The following HIVEP1 variants were observed in gnomAD, a reference collection of about 807,000 sequenced individuals.
HIVEP1 encodes zinc finger protein 40.
Under a neutral mutation model 180.0 loss-of-function variants are expected in HIVEP1, and 36 were observed. The ratio of observed to expected loss-of-function variants is 0.20; its 90% CI spans 0.15 to 0.26. HIVEP1 has a LOEUF of 0.26. HIVEP1 is among the 10% of genes least tolerant of loss of function. HIVEP1 has a pLI of 1.00. For missense variants in HIVEP1, 3,143 were observed against 3,268.7 expected (o/e 0.96, Z 0.94); for synonymous variants, 1,239 against 1,239.0 (o/e 1.00, Z 0.00).
At chr6:12,201,385 G>C in the HIVEP1 span, among the ~76,000 whole-genome samples, 1 of 152,214 alleles carries the variant, frequency 6.6e-6, no homozygotes, top group African/African-American at 2.4e-5. Flanking sequence ...GCTGAGGTGA[G>C]AGGATCACTT....
chr6:12,150,797 A>C (rs1026264759), intron 7 of HIVEP1, among the ~76,000 whole-genome samples: 1 of 152,242 alleles, frequency 6.6e-6, no homozygotes, highest in Middle Eastern at 3.4e-3. Context: ...ATATATATAT[A>C]TAATTGTATT....
At chr6:12,139,248 C>T (rs768390399) in intron 7 of HIVEP1, among the ~76,000 whole-genome samples, 14 of 152,248 alleles carry the variant, frequency 9.2e-5, no homozygotes, top group Middle Eastern at 3.4e-3. Flanking sequence ...TCCTCCCTCG[C>T]GTGCTCAGCT....
intron 2 of HIVEP1, among the ~76,000 whole-genome samples, chr6:12,076,992 C>CT (rs1013198405): frequency 6.6e-6 from 1 of 152,034 alleles, no homozygotes; most frequent in African/African-American, 2.4e-5. Context: ...GTGGATCTTG[C>CT]TGGAGGGATG....
chr6:12,211,215 C>A, the HIVEP1 span, among the ~76,000 whole-genome samples: 1 of 124,846 alleles, frequency 8.0e-6, no homozygotes, highest in South Asian at 2.5e-4. Context: ...CTGGCTAACA[C>A]GGTGAAACCC....
chr6:12,051,691 G>C (rs574648340), intron 2 of HIVEP1, among the ~76,000 whole-genome samples: 1 of 147,326 alleles, frequency 6.8e-6, no homozygotes, highest in African/African-American at 2.4e-5. Flanking sequence ...GGGAGGTGGT[G>C]GGGAGGGTGG....
intron 3 of HIVEP1, among the ~76,000 whole-genome samples, chr6:12,093,505 C>T (rs991306094): frequency 3.3e-5 from 5 of 151,082 alleles, no homozygotes; most frequent in African/African-American, 9.7e-5. Context: ...AAGACTTTCA[C>T]GTTTCAGATT....
At chr6:12,175,148 T>C in the HIVEP1 span, among the ~76,000 whole-genome samples, 1 of 152,234 alleles carries the variant, frequency 6.6e-6, no homozygotes, top group Non-Finnish European at 1.5e-5. Context: ...ACTGCAACAA[T>C]ATTATTAGTA....
chr6:12,184,968 A>T, the HIVEP1 span, among the ~76,000 whole-genome samples: 1 of 152,250 alleles, frequency 6.6e-6, no homozygotes, highest in Admixed American at 6.5e-5. Context: ...ACACACAATG[A>T]ATATTTAGAG....
At chr6:12,040,978 C>A (rs1171592591) in intron 2 of HIVEP1, among the ~76,000 whole-genome samples, 1 of 152,214 alleles carries the variant, frequency 6.6e-6, no homozygotes, top group African/African-American at 2.4e-5. Context: ...TCCCCATGAT[C>A]CAGCCCCACC....
intron 2 of HIVEP1, among the ~76,000 whole-genome samples, chr6:12,029,585 C>A (rs1768802901): frequency 6.6e-6 from 1 of 151,680 alleles, no homozygotes; most frequent in Non-Finnish European, 1.5e-5. Context: ...TTTTACTATA[C>A]TTTTGATTAA....
At chr6:12,109,672 C>T (rs144032373) in intron 3 of HIVEP1, among the ~76,000 whole-genome samples, 129 of 152,316 alleles carry the variant, frequency 8.5e-4, no homozygotes, top group African/African-American at 2.8e-3. Flanking sequence ...TCTGCGGGGA[C>T]TTCCTCCACT....
At chr6:12,022,748 A>G (rs957368704) in intron 2 of HIVEP1, among the ~76,000 whole-genome samples, 1 of 152,240 alleles carries the variant, frequency 6.6e-6, no homozygotes, top group African/African-American at 2.4e-5. Context: ...AGGAAACAGG[A>G]ATATCTACAT....
At chr6:12,184,196 C>G in the HIVEP1 span, among the ~76,000 whole-genome samples, 7 of 152,208 alleles carry the variant, frequency 4.6e-5, no homozygotes, top group African/African-American at 1.7e-4. Context: ...AGAAAATAGG[C>G]AGTGTTTTCA....
At chr6:12,126,075 C>T (rs1758053395) in intron 4 of HIVEP1, among the ~76,000 whole-genome samples, 1 of 152,166 alleles carries the variant, frequency 6.6e-6, no homozygotes, top group Non-Finnish European at 1.5e-5. Flanking sequence ...GTGATTCTAT[C>T]TTGAAAGATT....
At position 12,012,328 on chromosome 6, in the gene HIVEP1, C is replaced by T. The variant is rs1024054662; in HGVS notation, c.-342C>T. The T allele has an allele frequency of 3.3e-5, 5 of 150,108 alleles. No individual in the cohort carries two copies. Among genetic ancestry groups the T allele is most frequent in the Non-Finnish European group, 2.9e-5 (2 of 67,850 alleles). 9.3% of individuals were successfully genotyped at this position (150,108 alleles called of 1,614,324 possible). ...GGTGTGAGCGCCAGTCGCCGGCCTT[C>T]AGCGTGGCGGCTGCTGGGCGGCGGC... On this transcript the variant is annotated 5_prime_UTR_variant, in exon 1 of 9. Coordinates refer to ENST00000379388, the MANE Select transcript of HIVEP1 (RefSeq NM_002114.4).
At chr6:12,195,206 G>A in the HIVEP1 span, among the ~76,000 whole-genome samples, 7 of 152,292 alleles carry the variant, frequency 4.6e-5, no homozygotes, top group African/African-American at 9.6e-5. Flanking sequence ...AAAGTTGGAC[G>A]AATCTAGCTA....
At chr6:12,196,231 G>A in the HIVEP1 span, among the ~76,000 whole-genome samples, 1 of 152,194 alleles carries the variant, frequency 6.6e-6, no homozygotes, top group Non-Finnish European at 1.5e-5. Context: ...CCTACACTTA[G>A]ACGGTTGTAT....
At chr6:12,081,204 G>A (rs190390004) in intron 2 of HIVEP1, among the ~76,000 whole-genome samples, 238 of 152,280 alleles carry the variant, frequency 1.6e-3, no homozygotes, top group African/African-American at 5.5e-3. Flanking sequence ...GCCAAGCTTT[G>A]TAAGAGTAGA....
At chr6:12,100,193 A>G (rs556874540) in intron 3 of HIVEP1, among the ~76,000 whole-genome samples, 1 of 152,268 alleles carries the variant, frequency 6.6e-6, no homozygotes, top group South Asian at 2.1e-4. Flanking sequence ...TGTTCTGGTA[A>G]TAGACAGTAT....
Sources: gnomAD v4.1 joint callset for allele counts (sites outside exome capture counted in the v4.1 genomes callset) on GRCh38, gnomAD v4.1.1 for gene constraint, MANE v1.5 for transcripts, NCBI Gene and HGNC (gene_info 2026-07-23, HGNC 2026-07-21) for gene names.